Variants in ANKRD12 observed in about 807,000 individuals in gnomAD.
ANKRD12 encodes ankyrin repeat domain-containing protein 12.
ANKRD12 carries 85 observed loss-of-function variants against 183.4 expected under a neutral mutation model. The observed-to-expected ratio is 0.46, with a 90% confidence interval of 0.39 to 0.56. ANKRD12 has a LOEUF of 0.56. ANKRD12 is among the 20% of genes least tolerant of loss of function. The pLI, the probability that ANKRD12 is intolerant of heterozygous loss-of-function variation, is 0.00. For synonymous variants in ANKRD12, 914 were observed against 800.2 expected (o/e 1.14, Z -2.40); for missense variants, 2,405 against 2,357.1 (o/e 1.02, Z -0.42).
chr18:9,187,368 C>T (rs1257372350), intron 2 of ANKRD12, among the ~76,000 whole-genome samples: 1 of 152,138 alleles, frequency 6.6e-6, no homozygotes, highest in Non-Finnish European at 1.5e-5. Context: ...TGTGCCACTG[C>T]GTTCCAGCCT....
intron 2 of ANKRD12, among the ~76,000 whole-genome samples, chr18:9,190,034 A>G (rs192382776): frequency 4.9e-4 from 74 of 152,374 alleles, no homozygotes; most frequent in African/African-American, 1.7e-3. Context: ...ATTGAAAACC[A>G]TCTTGAAAGG....
intron 2 of ANKRD12, among the ~76,000 whole-genome samples, chr18:9,193,668 C>G (rs370174630): frequency 1.3e-5 from 2 of 151,858 alleles, no homozygotes; most frequent in African/African-American, 4.8e-5. Context: ...CTTTTTCCTC[C>G]TCATCCCTCC....
chr18:9,221,124 G>A (rs1437867803), intron 7 of ANKRD12, among the ~76,000 whole-genome samples: 1 of 152,044 alleles, frequency 6.6e-6, no homozygotes, highest in African/African-American at 2.4e-5. Context: ...TGGAAAGATT[G>A]GCTTCTAAAA....
chr18:9,214,089 A>T (rs1171754111), intron 6 of ANKRD12, among the ~76,000 whole-genome samples: 1 of 151,810 alleles, frequency 6.6e-6, no homozygotes, highest in Non-Finnish European at 1.5e-5. Flanking sequence ...TATATTTGAA[A>T]TTTTTTTTGA....
rs180795765 is a variant in ANKRD12, at chr18:9,222,787, A to T, written c.943+788A>T. On this transcript the variant is annotated intron_variant, in intron 8 of 12. Coordinates refer to ENST00000262126, the MANE Select transcript of ANKRD12 (RefSeq NM_015208.5). Reference sequence around the variant, plus strand: ...AAAGTTCTACCCTTTATTTTCATGTAATATAGTTAAATTATATTTCACATG... The same window carrying T: ...AAAGTTCTACCCTTTATTTTCATGTTATATAGTTAAATTATATTTCACATG... 1.4e-4 allele frequency among the ~76,000 whole-genome samples: 21 copies of T among 152,318 alleles called. No homozygotes were observed. The East Asian group carries it at 4.0e-3, about 29-fold the overall frequency.
At chr18:9,280,880 A>G in intron 12 of ANKRD12, 61 bp from the exon 13 acceptor site, 1 of 1,528,652 alleles carries the variant, frequency 6.5e-7, no homozygotes, top group Non-Finnish European at 8.9e-7. Context: ...GGATGAGATT[A>G]ATTTTTAAAC....
chr18:9,244,789 C>G (rs1199566497), intron 8 of ANKRD12, among the ~76,000 whole-genome samples: 2 of 152,126 alleles, frequency 1.3e-5, no homozygotes, highest in Non-Finnish European at 2.9e-5. Context: ...AGTAGTAGAT[C>G]AGGTCATTTA....
rs1239949206 is a variant in ANKRD12 at position 9,222,070 on chromosome 18, T to C, written c.943+71T>C. On this transcript the variant is annotated intron_variant, in intron 8 of 12. Coordinates refer to ENST00000262126, the MANE Select transcript of ANKRD12 (RefSeq NM_015208.5). The stretch of plus-strand genomic sequence containing the variant: ...TTTGATAGAACATTCTGGATTCATT[T>C]GTAATATACAAAATGTTTGAATACT... The C allele has an allele frequency of 2.0e-5, 31 of 1,545,034 alleles. No homozygotes were observed. In the South Asian group the frequency reaches 3.7e-4, roughly 18 times the overall value.
chr18:9,201,328 G>T (rs182584131), intron 3 of ANKRD12, among the ~76,000 whole-genome samples: 1 of 152,186 alleles, frequency 6.6e-6, no homozygotes, highest in Admixed American at 6.5e-5. Context: ...AGTCTTAACG[G>T]TGTCCAAGGG....
At chr18:9,275,325 T>C (rs1032550336) in intron 10 of ANKRD12, among the ~76,000 whole-genome samples, 199 bp from the exon 11 acceptor site, 1 of 151,940 alleles carries the variant, frequency 6.6e-6, no homozygotes, top group Non-Finnish European at 1.5e-5. Context: ...TATTTTTAAT[T>C]AGCTGTGCTT....
At chr18:9,179,560 G>C (rs1258985981) in intron 1 of ANKRD12, among the ~76,000 whole-genome samples, 1 of 152,150 alleles carries the variant, frequency 6.6e-6, no homozygotes, top group Non-Finnish European at 1.5e-5. Context: ...CTGTCACCCA[G>C]ACTGGAGTGC....
chr18:9,218,907 T>A (rs1465632800), intron 7 of ANKRD12, among the ~76,000 whole-genome samples: 7 of 152,254 alleles, frequency 4.6e-5, no homozygotes, highest in Admixed American at 4.6e-4. Flanking sequence ...GCGATCCTCC[T>A]GCCTCAGGCT....
intron 10 of ANKRD12, among the ~76,000 whole-genome samples, chr18:9,267,895 A>C (rs930215243): frequency 2.6e-5 from 4 of 151,862 alleles, no homozygotes; most frequent in African/African-American, 4.9e-5. Flanking sequence ...AAAGAAGAAA[A>C]GAGAGAAGAA....
intron 7 of ANKRD12, among the ~76,000 whole-genome samples, chr18:9,219,599 C>G (rs1334088070): frequency 2.6e-5 from 4 of 151,990 alleles, no homozygotes; most frequent in Non-Finnish European, 4.4e-5. Flanking sequence ...CTTGCCTCCT[C>G]CCTCTCCTCT....
intron 1 of ANKRD12, among the ~76,000 whole-genome samples, chr18:9,179,573 T>TGGCGTGATCATGGCTCACTGCAGC (rs2033547786): frequency 6.6e-6 from 1 of 152,176 alleles, no homozygotes; most frequent in Non-Finnish European, 1.5e-5. Context: ...TGGAGTGCAG[T>TGGCGTGATCATGGCTCACTGCAGC]GGCGTGATCA....
chr18:9,221,634 A>T (rs1282203017), intron 7 of ANKRD12, among the ~76,000 whole-genome samples: 1 of 152,202 alleles, frequency 6.6e-6, no homozygotes, highest in African/African-American at 2.4e-5. Flanking sequence ...TTTAAATTTT[A>T]AGGAGGAAAT....
chr18:9,195,549 A>G lies in ANKRD12; in HGVS notation c.88-2A>G. On this transcript the variant is annotated splice_acceptor_variant, in intron 2 of 12. Coordinates refer to ENST00000262126, the MANE Select transcript of ANKRD12 (RefSeq NM_015208.5). LOFTEE classifies it high-confidence loss of function. ...ACTTTACTCTATTTGACTTTTTAAT[A>G]GAGTAAAGACAAGATTGCATCCTAC... 1.3e-6 allele frequency: 2 copies of G among 1,591,956 alleles called. No homozygotes were observed. The highest frequency in any genetic ancestry group is 1.7e-6 in the Non-Finnish European group (2 of 1,168,726).
intron 1 of ANKRD12, among the ~76,000 whole-genome samples, chr18:9,162,818 A>G (rs111341808): frequency 0.076 from 11,195 of 148,244 alleles, 429 homozygotes; most frequent in African/African-American, 0.084. Flanking sequence ...GTTTTTTTTC[A>G]TGTTTGTTGG....
intron 6 of ANKRD12, among the ~76,000 whole-genome samples, chr18:9,212,319 A>G (rs1020630898): frequency 1.3e-5 from 2 of 152,014 alleles, no homozygotes; most frequent in African/African-American, 4.8e-5. Context: ...CTTCCATAGA[A>G]CTATGGTTAA....
Sources: gnomAD v4.1 joint callset for allele counts (sites outside exome capture counted in the v4.1 genomes callset) on GRCh38, gnomAD v4.1.1 for gene constraint, MANE v1.5 for transcripts, NCBI Gene and HGNC (gene_info 2026-07-23, HGNC 2026-07-21) for gene names.